Variants in JMJD1C observed in about 807,000 individuals in gnomAD.
JMJD1C encodes jumonji domain-containing protein 1C.
JMJD1C carries 31 observed loss-of-function variants against 245.3 expected under a neutral mutation model. The ratio of observed to expected loss-of-function variants is 0.13; its 90% CI spans 0.09 to 0.17. The LOEUF is 0.17. JMJD1C is among the 10% of genes least tolerant of loss of function. The pLI is 1.00. For synonymous variants in JMJD1C, 1,057 were observed against 1,017.4 expected, an observed-to-expected ratio of 1.04 and a Z score of -0.74; for missense variants, 2,691 against 3,000.2, an observed-to-expected ratio of 0.90 and a Z score of 2.41.
intron 2 of JMJD1C, among the ~76,000 whole-genome samples, chr10:63,290,593 G>A (rs1858547029): frequency 6.6e-6 from 1 of 152,036 alleles, no homozygotes; most frequent in Non-Finnish European, 1.5e-5. Flanking sequence ...ATGGTAAAAA[G>A]CTTCTGAAGC....
At chr10:63,228,495 T>TGGGTG (rs1426676039) in intron 3 of JMJD1C, among the ~76,000 whole-genome samples, 1 of 152,114 alleles carries the variant, frequency 6.6e-6, no homozygotes, top group Non-Finnish European at 1.5e-5. Flanking sequence ...TACTCCACCC[T>TGGGTG]GGGTGACAGA....
chr10:63,246,971 T>C (rs12780225), intron 3 of JMJD1C, among the ~76,000 whole-genome samples: 1 of 151,820 alleles, frequency 6.6e-6, no homozygotes, highest in Non-Finnish European at 1.5e-5. Flanking sequence ...GCAATAAACA[T>C]CTATATTTAA....
intron 1 of JMJD1C, among the ~76,000 whole-genome samples, chr10:63,500,727 G>A (rs1306182107): frequency 6.9e-6 from 1 of 145,570 alleles, no homozygotes; most frequent in African/African-American, 2.6e-5. Context: ...CTGTCTCGAT[G>A]GATGGATGGA....
At chr10:63,423,910 G>C (rs1589721197) in intron 1 of JMJD1C, among the ~76,000 whole-genome samples, 1 of 152,256 alleles carries the variant, frequency 6.6e-6, no homozygotes, top group Admixed American at 6.5e-5. Context: ...TGACGATCTT[G>C]CCTTATGTTT....
At chr10:63,493,466 G>A (rs10995545) in intron 1 of JMJD1C, among the ~76,000 whole-genome samples, 1 of 151,784 alleles carries the variant, frequency 6.6e-6, no homozygotes, top group South Asian at 2.1e-4. Context: ...ATTTTTAATA[G>A]AGACAGGGTT....
intron 2 of JMJD1C, among the ~76,000 whole-genome samples, chr10:63,336,043 C>A (rs985746697): frequency 6.6e-6 from 1 of 152,024 alleles, no homozygotes; most frequent in African/African-American, 2.4e-5. Flanking sequence ...ATCACTTAAA[C>A]CTCGCAGGCG....
intron 1 of JMJD1C, among the ~76,000 whole-genome samples, chr10:63,429,366 T>C (rs12413029): frequency 0.14 from 21,026 of 152,070 alleles, 2,092 homozygotes; most frequent in East Asian, 0.29. Context: ...AAAAGACAGC[T>C]TTGAAGATCT....
At chr10:63,435,755 C>A (rs1951025522) in intron 1 of JMJD1C, among the ~76,000 whole-genome samples, 1 of 152,130 alleles carries the variant, frequency 6.6e-6, no homozygotes, top group Non-Finnish European at 1.5e-5. Flanking sequence ...CAAAAATTAG[C>A]TGGCATGGTG....
intron 1 of JMJD1C, among the ~76,000 whole-genome samples, chr10:63,389,626 C>A (rs930028279): frequency 2.0e-5 from 3 of 151,832 alleles, no homozygotes; most frequent in Non-Finnish European, 4.4e-5. Context: ...GGAAGATTCT[C>A]CCAGATAGAC....
chr10:63,303,624 A>G (rs1398156417), intron 2 of JMJD1C, among the ~76,000 whole-genome samples: 1 of 152,074 alleles, frequency 6.6e-6, no homozygotes, highest in African/African-American at 2.4e-5. Flanking sequence ...CTTTTAATCA[A>G]TCCCAGTGCT....
intron 1 of JMJD1C, among the ~76,000 whole-genome samples, chr10:63,425,576 G>T (rs1950392369): frequency 6.6e-6 from 1 of 152,058 alleles, no homozygotes; most frequent in African/African-American, 2.4e-5. Flanking sequence ...GAGCCCAGGA[G>T]TTCAAGACCA....
At chr10:63,330,749 C>A (rs998734049) in intron 2 of JMJD1C, among the ~76,000 whole-genome samples, 6 of 152,104 alleles carry the variant, frequency 3.9e-5, no homozygotes, top group African/African-American at 1.4e-4. Context: ...ATTCTAAAAT[C>A]AAAAGTTAAA....
intron 2 of JMJD1C, among the ~76,000 whole-genome samples, chr10:63,273,064 T>G (rs1856482023): frequency 6.6e-6 from 1 of 152,220 alleles, no homozygotes; most frequent in South Asian, 2.1e-4. Flanking sequence ...TCACACTACA[T>G]CATGGTTGAA....
At chr10:63,411,601 A>ATTTTTT (rs35643037) in intron 1 of JMJD1C, among the ~76,000 whole-genome samples, 1 of 120,060 alleles carries the variant, frequency 8.3e-6, no homozygotes, top group African/African-American at 3.2e-5. Context: ...ACTCGGCCTG[A>ATTTTTT]TTTTTTTTTT....
At chr10:63,192,800 C>A in intron 16 of JMJD1C, 138 bp downstream of exon 16, 2 of 669,838 alleles carry the variant, frequency 3.0e-6, no homozygotes, top group Non-Finnish European at 2.6e-6. Flanking sequence ...TTACATTGAA[C>A]CTAACCCATA....
intron 2 of JMJD1C, among the ~76,000 whole-genome samples, chr10:63,337,604 AAAAG>A (rs768564993): frequency 0.068 from 7,436 of 109,686 alleles, 705 homozygotes; most frequent in African/African-American, 0.14. Flanking sequence ...AAAAGAAAAG[AAAAG>A]AAAAGAAAAG....
Position 63,427,369 on chromosome 10 carries a change from C to T in JMJD1C, c.168+38126G>A, listed in dbSNP as rs572752516. On this transcript the variant is annotated intron_variant, in intron 1 of 25. Coordinates refer to ENST00000399262, the MANE Select transcript of JMJD1C (RefSeq NM_032776.3). ...CCAAGTGTTCACCGCCTTCTGGCAT[C>T]AGTACCCAAATCCCTATAGCAAACA... 5.0e-5 allele frequency: 52 copies of T among 1,038,216 alleles called. No individual in the cohort carries two copies. In the African/African-American group the frequency reaches 7.3e-4, roughly 15 times the overall value. 64.3% of individuals were successfully genotyped at this position (1,038,216 alleles called of 1,614,324 possible). A position where few individuals can be genotyped will look rare whatever the true frequency, so the allele number is the denominator to read the frequency against.
intron 9 of JMJD1C, 52 bp from the exon 10 acceptor site, chr10:63,208,853 C>G (rs1025265289): frequency 2.1e-6 from 3 of 1,398,640 alleles, no homozygotes; most frequent in Non-Finnish European, 2.9e-6. Flanking sequence ...CTGCAAAATA[C>G]AAAGACAGCT....
intron 3 of JMJD1C, among the ~76,000 whole-genome samples, chr10:63,220,244 T>C (rs1289922955): frequency 6.6e-6 from 1 of 152,356 alleles, no homozygotes; most frequent in Non-Finnish European, 1.5e-5. Flanking sequence ...ACTTTTAAAG[T>C]ATAGCCTTAT....
Sources: allele counts gnomAD v4.1 joint callset (sites outside exome capture counted in the v4.1 genomes callset), GRCh38; gene constraint gnomAD v4.1.1; transcripts MANE v1.5; gene names NCBI Gene and HGNC (gene_info 2026-07-23, HGNC 2026-07-21).